ADGRL3: variants seen among roughly 807,000 people sequenced by gnomAD.
The protein encoded by ADGRL3 is adhesion G protein-coupled receptor L3.
Under a neutral mutation model 153.5 loss-of-function variants are expected in ADGRL3, and 62 were observed. That is an observed-to-expected ratio of 0.40 (90% CI 0.33 to 0.50). The LOEUF is 0.50. Ranked by LOEUF, ADGRL3 falls within the 20% of genes least tolerant of loss-of-function variation. The pLI, the probability that ADGRL3 is intolerant of heterozygous loss-of-function variation, is 0.47. For missense variants in ADGRL3, 1,641 were observed against 1,859.4 expected, an observed-to-expected ratio of 0.88 and a Z score of 2.16; for synonymous variants, 710 against 672.5, an observed-to-expected ratio of 1.06 and a Z score of -0.86.
chr4:62,016,078 C>T (rs867202428), intron 21 of ADGRL3, among the ~76,000 whole-genome samples: 2 of 151,356 alleles, frequency 1.3e-5, no homozygotes, highest in Middle Eastern at 3.4e-3. Flanking sequence ...GAGATGGAGT[C>T]TCGCTCTGTC....
At chr4:62,038,675 C>T (rs1357568970) in intron 24 of ADGRL3, among the ~76,000 whole-genome samples, 1 of 152,126 alleles carries the variant, frequency 6.6e-6, no homozygotes, top group Admixed American at 6.5e-5. Context: ...AATCTCAGCT[C>T]ACTGAAACCC....
At chr4:61,831,916 C>CAA in intron 9 of ADGRL3, among the ~76,000 whole-genome samples, 1 of 145,948 alleles carries the variant, frequency 6.9e-6, no homozygotes, top group South Asian at 2.2e-4. Context: ...CGCTGGCTGG[C>CAA]AAAAAAAAAA....
Position 62,070,651 on chromosome 4 carries a change from C to T in ADGRL3, c.4375C>T (p.Leu1459=). 2 of 1,551,538 alleles carry T rather than the reference C, an allele frequency of 1.3e-6. No individual in the cohort carries two copies. The highest frequency in any genetic ancestry group is 1.7e-4 in the Middle Eastern group (1 of 5,992). The part of the protein sequence containing the change: ...RDSLYTSMPT[L]AGVAATESVT... Reference sequence around the variant, plus strand: ...CTCTCTCTATACCAGCATGCCGACACTGGCTGGTGTGGCCGCCACAGAGAG... The same window carrying T: ...CTCTCTCTATACCAGCATGCCGACATTGGCTGGTGTGGCCGCCACAGAGAG... The change falls in exon 27 of 27, where the codon CTG becomes TTG. Residue 1459 remains leucine (L), a synonymous_variant. Coordinates refer to ENST00000683033, the MANE Select transcript of ADGRL3 (RefSeq NM_001387552.1).
intron 6 of ADGRL3, among the ~76,000 whole-genome samples, chr4:61,710,140 G>A (rs759950815): frequency 5.3e-5 from 8 of 152,134 alleles, no homozygotes; most frequent in African/African-American, 7.2e-5. Flanking sequence ...GGCTTTAAAC[G>A]CAGTTCTGAA....
At chr4:61,639,934 G>A (rs975111493) in intron 5 of ADGRL3, among the ~76,000 whole-genome samples, 4 of 151,976 alleles carry the variant, frequency 2.6e-5, no homozygotes, top group African/African-American at 9.7e-5. Context: ...ATTTCATAGA[G>A]GCTAACTAGC....
intron 2 of ADGRL3, among the ~76,000 whole-genome samples, chr4:61,436,424 AATT>A (rs1403773575): frequency 6.6e-6 from 1 of 152,224 alleles, no homozygotes; most frequent in Non-Finnish European, 1.5e-5. Context: ...ACCAGCTGGT[AATT>A]ATTATTCTAT....
intron 1 of ADGRL3, among the ~76,000 whole-genome samples, chr4:61,285,954 G>T (rs1293236117): frequency 6.6e-6 from 1 of 151,552 alleles, no homozygotes; most frequent in Non-Finnish European, 1.5e-5. Flanking sequence ...ATTTAAAAAT[G>T]AAACTACATC....
At chr4:62,023,179 C>T (rs1007711476) in intron 21 of ADGRL3, among the ~76,000 whole-genome samples, 2 of 152,040 alleles carry the variant, frequency 1.3e-5, no homozygotes, top group Non-Finnish European at 2.9e-5. Flanking sequence ...ATGAGGAGTT[C>T]AAGACTTTAG....
At chr4:61,414,512 A>G (rs1158088644) in intron 2 of ADGRL3, among the ~76,000 whole-genome samples, 1 of 152,090 alleles carries the variant, frequency 6.6e-6, no homozygotes, top group Non-Finnish European at 1.5e-5. Flanking sequence ...TAAATAGATG[A>G]GTTACTTCAG....
intron 1 of ADGRL3, among the ~76,000 whole-genome samples, chr4:61,216,976 C>T (rs1447637739): frequency 1.3e-5 from 2 of 152,092 alleles, no homozygotes; most frequent in East Asian, 3.8e-4. Flanking sequence ...ATACCTTTTC[C>T]TAAGTGGGTC....
chr4:61,629,721 C>CAAAAAAAAAAAAAAAAAAAA (rs59504485), intron 5 of ADGRL3, among the ~76,000 whole-genome samples: 1 of 33,420 alleles, frequency 3.0e-5, no homozygotes, highest in African/African-American at 1.3e-4. Context: ...CGTCTCGGGG[C>CAAAAAAAAAAAAAAAAAAAA]AAAAAAAAAA....
At chr4:61,711,489 TATAC>T (rs1229551645) in intron 6 of ADGRL3, among the ~76,000 whole-genome samples, 17 of 107,940 alleles carry the variant, frequency 1.6e-4, no homozygotes, top group African/African-American at 5.4e-4. Flanking sequence ...TATATATATA[TATAC>T]ACACACACAC....
At chr4:61,439,061 A>G (rs2097494408) in intron 2 of ADGRL3, among the ~76,000 whole-genome samples, 1 of 152,160 alleles carries the variant, frequency 6.6e-6, no homozygotes, top group South Asian at 2.1e-4. Flanking sequence ...AAACCCAGAA[A>G]AAAAAGATAC....
intron 9 of ADGRL3, among the ~76,000 whole-genome samples, chr4:61,868,661 A>G (rs993472970): frequency 6.6e-6 from 1 of 152,146 alleles, no homozygotes; most frequent in Non-Finnish European, 1.5e-5. Flanking sequence ...TCTCCAGCTA[A>G]ATTAATCTTT....
intron 8 of ADGRL3, among the ~76,000 whole-genome samples, chr4:61,768,284 A>G (rs1006927842): frequency 1.2e-4 from 19 of 152,200 alleles, no homozygotes; most frequent in South Asian, 6.2e-4. Context: ...TAAAAAGATT[A>G]CAGGGTGGAG....
intron 17 of ADGRL3, among the ~76,000 whole-genome samples, chr4:61,979,059 G>C (rs2099058215): frequency 6.6e-6 from 1 of 152,014 alleles, no homozygotes; most frequent in Non-Finnish European, 1.5e-5. Context: ...CACAACCTTG[G>C]AAATTATGAT....
intron 23 of ADGRL3, among the ~76,000 whole-genome samples, chr4:62,032,597 A>G (rs961244378): frequency 3.3e-5 from 5 of 151,662 alleles, no homozygotes; most frequent in Non-Finnish European, 7.4e-5. Flanking sequence ...TATGTTTTAA[A>G]ATTTGTGGGA....
At chr4:62,029,068 CA>C (rs201321264) in intron 22 of ADGRL3, among the ~76,000 whole-genome samples, 187 bp downstream of exon 22, 4 of 150,304 alleles carry the variant, frequency 2.7e-5, no homozygotes, top group African/African-American at 4.9e-5. Flanking sequence ...GGTGTATTGC[CA>C]AAAAAAAATT....
chr4:61,676,995 G>A, intron 6 of ADGRL3, 60 bp downstream of exon 6: 3 of 1,047,484 alleles, frequency 2.9e-6, no homozygotes, highest in South Asian at 2.8e-5. Flanking sequence ...TGTTTTGCAT[G>A]CATTGACAAA....
Sources: allele counts gnomAD v4.1 joint callset (sites outside exome capture counted in the v4.1 genomes callset), GRCh38; gene constraint gnomAD v4.1.1; transcripts MANE v1.5; gene names NCBI Gene and HGNC (gene_info 2026-07-23, HGNC 2026-07-21).